Variants in ZDHHC14 observed in about 807,000 individuals in gnomAD.
ZDHHC14 encodes the protein zDHHC palmitoyltransferase 14, also known as palmitoyltransferase ZDHHC14.
Under a neutral mutation model 47.7 loss-of-function variants are expected in ZDHHC14, and 16 were observed. That is an observed-to-expected ratio of 0.34 (90% CI 0.23 to 0.51). The LOEUF (loss-of-function observed/expected upper bound fraction) is 0.51. ZDHHC14 is among the 20% of genes least tolerant of loss of function. The pLI, the probability that ZDHHC14 is intolerant of heterozygous loss-of-function variation, is 0.97. For synonymous variants in ZDHHC14, 293 were observed against 278.9 expected (o/e 1.05, Z -0.50); for missense variants, 515 against 662.5 (o/e 0.78, Z 2.44).
At chr6:157,602,317 G>T (rs897109535) in intron 3 of ZDHHC14, among the ~76,000 whole-genome samples, 4 of 151,754 alleles carry the variant, frequency 2.6e-5, no homozygotes, top group African/African-American at 9.7e-5. Context: ...AACCAGCCTG[G>T]CCAACATGGT....
intron 3 of ZDHHC14, among the ~76,000 whole-genome samples, chr6:157,605,853 T>G (rs911717700): frequency 1.6e-4 from 25 of 152,104 alleles, no homozygotes; most frequent in Non-Finnish European, 3.2e-4. Flanking sequence ...ATGAATCACA[T>G]GTGGTCACCA....
At chr6:157,382,402 C>CT (rs1777232712) in intron 1 of ZDHHC14, 136 bp downstream of exon 1, 8 of 1,094,530 alleles carry the variant, frequency 7.3e-6, no homozygotes, top group Middle Eastern at 2.4e-4. Context: ...TGCGCTCCCT[C>CT]TTTTTTCTTT....
intron 3 of ZDHHC14, among the ~76,000 whole-genome samples, chr6:157,610,972 C>T (rs1012928042): frequency 2.0e-5 from 3 of 152,156 alleles, no homozygotes; most frequent in Non-Finnish European, 4.4e-5. Context: ...CAAATATGCT[C>T]GTGTAAGACT....
chr6:157,497,637 A>G (rs1054398403), intron 1 of ZDHHC14, among the ~76,000 whole-genome samples: 1 of 152,202 alleles, frequency 6.6e-6, no homozygotes, highest in African/African-American at 2.4e-5. Context: ...AGATCTGTGA[A>G]GAGCTCATGA....
At chr6:157,495,570 G>A (rs1780042299) in intron 1 of ZDHHC14, among the ~76,000 whole-genome samples, 1 of 152,118 alleles carries the variant, frequency 6.6e-6, no homozygotes, top group Admixed American at 6.5e-5. Context: ...GTTGTTGGAT[G>A]GCCATGGGAG....
intron 3 of ZDHHC14, among the ~76,000 whole-genome samples, chr6:157,604,423 C>T (rs913389368): frequency 7.2e-5 from 11 of 152,160 alleles, no homozygotes; most frequent in Non-Finnish European, 1.6e-4. Flanking sequence ...GAGGGAGGTC[C>T]TGGAAGCAAT....
chr6:157,425,511 C>A (rs1312696378), intron 1 of ZDHHC14, among the ~76,000 whole-genome samples: 1 of 152,160 alleles, frequency 6.6e-6, no homozygotes, highest in Non-Finnish European at 1.5e-5. Flanking sequence ...GACATTGTGT[C>A]TTGCTTTTCA....
At chr6:157,666,492 C>T (rs905844127) in intron 8 of ZDHHC14, among the ~76,000 whole-genome samples, 3 of 152,182 alleles carry the variant, frequency 2.0e-5, no homozygotes, top group African/African-American at 7.2e-5. Context: ...CCAACCTGCA[C>T]CTGCATTTTA....
At chr6:157,571,659 C>G (rs1353462291) in intron 2 of ZDHHC14, among the ~76,000 whole-genome samples, 1 of 152,134 alleles carries the variant, frequency 6.6e-6, no homozygotes, top group Non-Finnish European at 1.5e-5. Context: ...TGGGGTTCAG[C>G]TGTTACTTGT....
chr6:157,588,534 T>C (rs1783780376), intron 2 of ZDHHC14, among the ~76,000 whole-genome samples: 1 of 152,272 alleles, frequency 6.6e-6, no homozygotes, highest in African/African-American at 2.4e-5. Context: ...AATCATGACA[T>C]GCGAATCATG....
chr6:157,584,304 G>A (rs1783614064), intron 2 of ZDHHC14, among the ~76,000 whole-genome samples: 1 of 152,124 alleles, frequency 6.6e-6, no homozygotes, highest in African/African-American at 2.4e-5. Flanking sequence ...TCTGGTGGCT[G>A]TGGTGTGCTG....
At chr6:157,493,009 C>T (rs1469142414) in intron 1 of ZDHHC14, among the ~76,000 whole-genome samples, 2 of 152,116 alleles carry the variant, frequency 1.3e-5, no homozygotes, top group African/African-American at 4.8e-5. Flanking sequence ...TGGGAAGCCT[C>T]TGGAGGGTTT....
chr6:157,642,023 A>AAGCT (rs1777273291), intron 5 of ZDHHC14, among the ~76,000 whole-genome samples: 1 of 146,608 alleles, frequency 6.8e-6, no homozygotes, highest in African/African-American at 2.5e-5. Context: ...GTATATTTTG[A>AAGCT]AGATAGATAG....
intron 7 of ZDHHC14, among the ~76,000 whole-genome samples, chr6:157,648,087 A>G (rs368703508): frequency 2.0e-4 from 30 of 152,252 alleles, no homozygotes; most frequent in African/African-American, 7.0e-4. Context: ...CAGAGCCAGT[A>G]TGTGCCCACT....
At chr6:157,629,421 A>G (rs1277787634) in intron 4 of ZDHHC14, 1 of 152,110 alleles carries the variant, frequency 6.6e-6, no homozygotes, top group African/African-American at 2.4e-5. Context: ...CAACGGCTTC[A>G]CTTCCTTCCC....
intron 1 of ZDHHC14, among the ~76,000 whole-genome samples, chr6:157,434,188 CT>C (rs201013159): frequency 0.015 from 2,233 of 149,838 alleles, 48 homozygotes; most frequent in African/African-American, 0.052. Context: ...TTGCTGATGA[CT>C]TTTTTTAGAG....
Position 157,451,316 on chromosome 6 carries a change from T to C in ZDHHC14, c.245+69050T>C, listed in dbSNP as rs1336674695. On this transcript the variant is annotated intron_variant, in intron 1 of 8. Coordinates refer to ENST00000359775, the MANE Select transcript of ZDHHC14 (RefSeq NM_024630.3). ...ATAACCTTGTCCATTTTTTGTGTCATGTATTGTTGTCTGGGATAGAGAAAG... is the reference window on the plus strand; with the variant it reads ...ATAACCTTGTCCATTTTTTGTGTCACGTATTGTTGTCTGGGATAGAGAAAG... Among the ~76,000 whole-genome samples the C allele has an allele frequency of 7.2e-5, 11 of 152,210 alleles. No homozygotes were observed. The East Asian group carries it at 2.1e-3, about 29-fold the overall frequency.
intron 1 of ZDHHC14, among the ~76,000 whole-genome samples, chr6:157,468,060 CAA>C (rs1457916446): frequency 6.6e-6 from 1 of 151,972 alleles, no homozygotes; most frequent in Non-Finnish European, 1.5e-5. Flanking sequence ...GTCAACATTC[CAA>C]AAAGTTTGGA....
chr6:157,672,654 C>G, intron 8 of ZDHHC14, 70 bp from the exon 9 acceptor site: 1 of 1,171,352 alleles, frequency 8.5e-7, no homozygotes, highest in Non-Finnish European at 1.2e-6. Flanking sequence ...GCCCTGTCCC[C>G]ATCCCTGTCC....
Sources: allele counts gnomAD v4.1 joint callset (sites outside exome capture counted in the v4.1 genomes callset), GRCh38; gene constraint gnomAD v4.1.1; transcripts MANE v1.5; gene names NCBI Gene and HGNC (gene_info 2026-07-23, HGNC 2026-07-21).